The following RGPD2 variants were observed in gnomAD, a reference collection of about 807,000 sequenced individuals.
RGPD2 encodes the protein RANBP2 like and GRIP domain containing 2, also known as RANBP2-like and GRIP domain-containing protein 2.
Under a neutral mutation model 36.0 loss-of-function variants are expected in RGPD2, and 2 were observed. The observed-to-expected ratio is 0.06, with a 90% CI of 0.02 to 0.17. RGPD2 has a LOEUF of 0.17. Among genes scored for constraint, RGPD2 ranks in the 10% least tolerant of loss-of-function variants. The pLI is 1.00. For missense variants in RGPD2, 40 were observed against 464.3 expected (o/e 0.09, Z 8.40); for synonymous variants, 19 against 163.8 (o/e 0.12, Z 6.75).
the RGPD2 span, among the ~76,000 whole-genome samples, chr2:87,965,038 C>T: frequency 1.3e-5 from 2 of 150,748 alleles, no homozygotes; most frequent in African/African-American, 4.8e-5. Context: ...CACACTGGGG[C>T]CATGGAAGAA....
the RGPD2 span, among the ~76,000 whole-genome samples, chr2:87,916,853 A>C: frequency 2.0e-5 from 3 of 151,672 alleles, no homozygotes; most frequent in African/African-American, 4.9e-5. Context: ...GAATGGACTA[A>C]TACAGGGAGA....
the RGPD2 span, among the ~76,000 whole-genome samples, chr2:87,878,305 C>T: frequency 5.7e-4 from 77 of 135,440 alleles, 10 homozygotes; most frequent in Non-Finnish European, 1.1e-3. Context: ...CTTTCCTTTG[C>T]TTGGCCTATT....
the RGPD2 span, among the ~76,000 whole-genome samples, chr2:87,846,506 G>A: frequency 2.6e-5 from 4 of 152,098 alleles, no homozygotes; most frequent in Admixed American, 1.3e-4. Flanking sequence ...TTCTATGTTG[G>A]TAAAAAATAT....
At chr2:87,929,061 C>G in the RGPD2 span, among the ~76,000 whole-genome samples, 1 of 151,946 alleles carries the variant, frequency 6.6e-6, no homozygotes, top group Non-Finnish European at 1.5e-5. Flanking sequence ...TAATTAGATT[C>G]CATTTGTCAA....
chr2:87,791,948 T>C lies in RGPD2; in HGVS notation c.2463+42A>G, dbSNP rs1468175232. On this transcript the variant is annotated intron_variant, in intron 17 of 22. Transcript: ENST00000398146. Reference sequence around the variant, plus strand: ...AGTGAGAGAGTGGCCAGGGAAGGAATCTTGGAATAAAAAGTACAGCTAGAG... The same window carrying C: ...AGTGAGAGAGTGGCCAGGGAAGGAACCTTGGAATAAAAAGTACAGCTAGAG... 4.4e-5 allele frequency: 3 copies of C among 67,926 alleles called. 1 individual carries two copies. The highest frequency in any genetic ancestry group is 6.7e-5 in the Non-Finnish European group (3 of 44,964). 4.2% of individuals were successfully genotyped at this position (67,926 alleles called of 1,614,324 possible).
the RGPD2 span, among the ~76,000 whole-genome samples, chr2:87,930,791 GAA>G: frequency 6.9e-6 from 1 of 145,730 alleles, no homozygotes; most frequent in African/African-American, 2.5e-5. Flanking sequence ...GTTCAATCTT[GAA>G]AGGGTGTTAT....
chr2:87,918,313 C>T, the RGPD2 span, among the ~76,000 whole-genome samples: 1 of 144,508 alleles, frequency 6.9e-6, no homozygotes, highest in Non-Finnish European at 1.5e-5. Flanking sequence ...AAATGCTTTA[C>T]ACGGATTGGC....
chr2:87,769,214 C>G (rs1172262317), intron 22 of RGPD2, among the ~76,000 whole-genome samples: 12 of 138,140 alleles, frequency 8.7e-5, no homozygotes, highest in Middle Eastern at 3.8e-3. Flanking sequence ...GTGATCTACC[C>G]TCCTCAGCCT....
At chr2:87,979,932 A>T in the RGPD2 span, among the ~76,000 whole-genome samples, 159 of 142,824 alleles carry the variant, frequency 1.1e-3, no homozygotes, top group African/African-American at 2.9e-3. Flanking sequence ...TTCTGTGTCT[A>T]TATAGGAGTG....
the RGPD2 span, among the ~76,000 whole-genome samples, chr2:87,858,405 C>T: frequency 6.6e-6 from 1 of 151,436 alleles, no homozygotes; most frequent in Non-Finnish European, 1.5e-5. Context: ...TGATATGTGG[C>T]TTTTTAAAAA....
chr2:87,985,798 A>C, the RGPD2 span: 1 of 1,611,046 alleles, frequency 6.2e-7, no homozygotes, highest in Non-Finnish European at 8.5e-7. Flanking sequence ...AATAAATTCC[A>C]CTCTGAGTGA....
At chr2:87,878,917 C>A in the RGPD2 span, among the ~76,000 whole-genome samples, 2 of 152,312 alleles carry the variant, frequency 1.3e-5, no homozygotes, top group African/African-American at 4.8e-5. Flanking sequence ...TTGTTTTCAT[C>A]TTAATGACTG....
chr2:87,936,782 CTT>C, the RGPD2 span, among the ~76,000 whole-genome samples: 3 of 89,224 alleles, frequency 3.4e-5, no homozygotes, highest in Non-Finnish European at 6.7e-5. Flanking sequence ...GAAAAATTGT[CTT>C]GATTCTAAAT....
At chr2:87,967,333 G>A in the RGPD2 span, among the ~76,000 whole-genome samples, 3 of 149,730 alleles carry the variant, frequency 2.0e-5, no homozygotes, top group Non-Finnish European at 4.4e-5. Flanking sequence ...GTGTGAACCC[G>A]GGAGGTGGAG....
the RGPD2 span, among the ~76,000 whole-genome samples, chr2:87,961,390 A>G: frequency 1.3e-5 from 2 of 151,810 alleles, no homozygotes; most frequent in South Asian, 4.2e-4. Context: ...GGCTCTTGGC[A>G]GCACCCTGTG....
the RGPD2 span, among the ~76,000 whole-genome samples, chr2:87,920,148 AT>A: frequency 6.6e-5 from 10 of 151,908 alleles, no homozygotes; most frequent in Non-Finnish European, 1.0e-4. Flanking sequence ...TGACCATAAA[AT>A]GTGCTAAATC....
At chr2:87,914,817 A>G in the RGPD2 span, among the ~76,000 whole-genome samples, 1 of 151,552 alleles carries the variant, frequency 6.6e-6, no homozygotes, top group Admixed American at 6.6e-5. Flanking sequence ...AGCAAAAATT[A>G]TATAACTATG....
the RGPD2 span, among the ~76,000 whole-genome samples, chr2:87,984,786 C>T: frequency 2.6e-5 from 4 of 151,322 alleles, no homozygotes; most frequent in African/African-American, 7.3e-5. Context: ...AAAAATTAGC[C>T]GGGCGTGGTG....
At chr2:87,973,819 CTAA>C in the RGPD2 span, among the ~76,000 whole-genome samples, 8 of 149,412 alleles carry the variant, frequency 5.4e-5, no homozygotes, top group Non-Finnish European at 1.2e-4. Context: ...GAAAGGGCGC[CTAA>C]TAATAGGACC....
Sources: allele counts gnomAD v4.1 joint callset (sites outside exome capture counted in the v4.1 genomes callset), GRCh38; gene constraint gnomAD v4.1.1; transcripts MANE v1.5; gene names NCBI Gene and HGNC (gene_info 2026-07-23, HGNC 2026-07-21).